Variants in IPO5 observed in about 807,000 individuals in gnomAD.
IPO5 encodes importin-5.
In IPO5, 18 loss-of-function variants were observed where a neutral mutation model predicts 143.3. That is an observed-to-expected ratio of 0.13 (90% CI 0.09 to 0.19). The LOEUF (loss-of-function observed/expected upper bound fraction) is 0.19. Ranked by LOEUF, IPO5 falls within the 10% of genes least tolerant of loss-of-function variation. IPO5 has a pLI of 1.00. For synonymous variants in IPO5, 477 were observed against 465.7 expected, an observed-to-expected ratio of 1.02 and a Z score of -0.31; for missense variants, 1,013 against 1,336.9, an observed-to-expected ratio of 0.76 and a Z score of 3.78.
intron 25 of IPO5, among the ~76,000 whole-genome samples, chr13:98,017,797 T>C (rs759633286): frequency 6.6e-6 from 1 of 151,922 alleles, no homozygotes; most frequent in East Asian, 1.9e-4. Flanking sequence ...TTCAGTTTTT[T>C]TGTTTGTTTT....
intron 5 of IPO5, among the ~76,000 whole-genome samples, chr13:97,985,078 CAGAG>C (rs1206783890): frequency 6.6e-6 from 1 of 152,226 alleles, no homozygotes; most frequent in East Asian, 1.9e-4. Flanking sequence ...TGAGACCAGA[CAGAG>C]AGGTAGGAAA....
chr13:97,999,493 T>C (rs1888582427), intron 12 of IPO5, among the ~76,000 whole-genome samples: 1 of 152,222 alleles, frequency 6.6e-6, no homozygotes, highest in South Asian at 2.1e-4. Flanking sequence ...CTAAACTAGA[T>C]GAATAAGATT....
chr13:97,964,524 T>C (rs1290504234), intron 2 of IPO5, among the ~76,000 whole-genome samples: 3 of 147,114 alleles, frequency 2.0e-5, no homozygotes, highest in Admixed American at 7.0e-5. Flanking sequence ...CTCGGCTCAC[T>C]GCAAGCTCCG....
At position 97,980,339 on chromosome 13, in the gene IPO5, C is replaced by T. The variant is rs568763240; in HGVS notation, c.91-2164C>T. On this transcript the variant is annotated intron_variant, in intron 4 of 28. Transcript: ENST00000651721. The stretch of plus-strand genomic sequence containing the variant: ...GAGAGAACCCTCTCTCAACAGACAT[C>T]ATCTGTCACTCGTACTAAACTCTCC... Among the ~76,000 whole-genome samples the T allele has an allele frequency of 2.5e-4, 38 of 152,266 alleles. 1 individual carries two copies. Among genetic ancestry groups the T allele is most frequent in the African/African-American group, 8.9e-4 (37 of 41,552 alleles).
At chr13:97,960,387 A>G (rs1566436550) in intron 2 of IPO5, 1 of 152,174 alleles carries the variant, frequency 6.6e-6, no homozygotes. Context: ...GTTATCACTC[A>G]AGGATTCAGA....
intron 9 of IPO5, among the ~76,000 whole-genome samples, chr13:97,992,639 G>A (rs1405017342): frequency 6.6e-6 from 1 of 152,262 alleles, no homozygotes; most frequent in Admixed American, 6.5e-5. Flanking sequence ...TATTGTAATG[G>A]TTATTATAGT....
At chr13:98,013,710 T>C (rs1222176807) in intron 21 of IPO5, among the ~76,000 whole-genome samples, 1 of 152,212 alleles carries the variant, frequency 6.6e-6, no homozygotes, top group Non-Finnish European at 1.5e-5. Flanking sequence ...GTTGCTTTTA[T>C]TAGAAACAGA....
intron 9 of IPO5, among the ~76,000 whole-genome samples, chr13:97,992,290 A>G (rs1887870086): frequency 6.6e-6 from 1 of 152,252 alleles, no homozygotes; most frequent in Non-Finnish European, 1.5e-5. Context: ...CAAAATGCAT[A>G]CTTTAATACC....
At chr13:97,955,641 G>A (rs1234135040) in intron 2 of IPO5, among the ~76,000 whole-genome samples, 2 of 152,036 alleles carry the variant, frequency 1.3e-5, no homozygotes, top group Non-Finnish European at 2.9e-5. Context: ...CTCAGACGCC[G>A]GAGCTGGGAG....
chr13:98,003,134 C>T, intron 16 of IPO5, 97 bp downstream of exon 16: 2 of 923,576 alleles, frequency 2.2e-6, no homozygotes, highest in Non-Finnish European at 3.3e-6. Flanking sequence ...GCAGCATGAC[C>T]ATAAAGAATA....
rs1415242282 is a variant in IPO5 at position 98,017,260 on chromosome 13, A to G, written c.2616+409A>G. On this transcript the variant is annotated intron_variant, in intron 25 of 28. Coordinates refer to ENST00000651721, the MANE Select transcript of IPO5 (RefSeq NM_002271.6). The stretch of plus-strand genomic sequence containing the variant: ...AATGGGCATATATATATATATATGT[A>G]TTTTTTTTTTACCTTCTCTCACCCT... 4.1e-5 allele frequency among the ~76,000 whole-genome samples: 6 copies of G among 147,918 alleles called. No homozygotes were observed. In the East Asian group the frequency reaches 9.9e-4, roughly 24 times the overall value.
intron 17 of IPO5, among the ~76,000 whole-genome samples, chr13:98,006,593 C>G (rs1889274648): frequency 6.6e-6 from 1 of 151,560 alleles, no homozygotes; most frequent in African/African-American, 2.4e-5. Context: ...CCAGGATGGT[C>G]TCAATCTCCT....
chr13:97,960,965 G>C (rs979074923), intron 2 of IPO5, among the ~76,000 whole-genome samples: 1 of 152,058 alleles, frequency 6.6e-6, no homozygotes, highest in Non-Finnish European at 1.5e-5. Flanking sequence ...CTCCATACCT[G>C]CTAGCACTCA....
At chr13:97,968,825 A>T (rs1209031774) in intron 2 of IPO5, among the ~76,000 whole-genome samples, 1 of 151,672 alleles carries the variant, frequency 6.6e-6, no homozygotes, top group Non-Finnish European at 1.5e-5. Flanking sequence ...CAGGTAACAG[A>T]GTACAGCCGC....
chr13:98,000,278 C>CT (rs1451469741), intron 12 of IPO5, among the ~76,000 whole-genome samples: 2 of 151,208 alleles, frequency 1.3e-5, no homozygotes, highest in Non-Finnish European at 1.5e-5. Context: ...GAGCGAGACT[C>CT]TGTCTCAAAA....
intron 22 of IPO5, among the ~76,000 whole-genome samples, chr13:98,014,910 G>A (rs1384919353): frequency 2.0e-5 from 3 of 147,026 alleles, no homozygotes; most frequent in Non-Finnish European, 3.0e-5. Context: ...TACTCCAGAT[G>A]TCTCCTTTCT....
intron 11 of IPO5, among the ~76,000 whole-genome samples, chr13:97,995,281 T>C (rs1722197955): frequency 6.6e-6 from 1 of 151,686 alleles, no homozygotes; most frequent in Non-Finnish European, 1.5e-5. Context: ...GGGAGCAGTG[T>C]ACACTGTACC....
chr13:97,994,014 T>G (rs962629673), intron 11 of IPO5, among the ~76,000 whole-genome samples: 2 of 152,186 alleles, frequency 1.3e-5, no homozygotes, highest in Admixed American at 1.3e-4. Context: ...GTTATAAGCA[T>G]TAGAAACAAT....
intron 28 of IPO5, 95 bp downstream of exon 28, chr13:98,021,228 G>T (rs1890465431): frequency 8.8e-7 from 1 of 1,135,198 alleles, no homozygotes; most frequent in Non-Finnish European, 1.2e-6. Context: ...ATGAGCTAAG[G>T]AATTTTATTT....
Sources: allele counts gnomAD v4.1 joint callset (sites outside exome capture counted in the v4.1 genomes callset), GRCh38; gene constraint gnomAD v4.1.1; transcripts MANE v1.5; gene names NCBI Gene and HGNC (gene_info 2026-07-23, HGNC 2026-07-21).